Variants in ARMC1 observed in about 807,000 individuals in gnomAD.
ARMC1 encodes the protein armadillo repeat containing 1.
ARMC1 carries 16 observed loss-of-function variants against 31.4 expected under a neutral mutation model. The ratio of observed to expected loss-of-function variants is 0.51; its 90% CI spans 0.34 to 0.77. The LOEUF is 0.77. Among genes scored for constraint, ARMC1 ranks in the 30% least tolerant of loss-of-function variants. The probability of loss-of-function intolerance (pLI) is 0.01; values close to 1 mark genes in which losing one functional copy is unlikely to be tolerated. For missense variants in ARMC1, 259 were observed against 347.5 expected (o/e 0.75, Z 2.02); for synonymous variants, 114 against 118.9 (o/e 0.96, Z 0.27).
chr8:65,616,558 G>A (rs1402447050), intron 3 of ARMC1, among the ~76,000 whole-genome samples: 7 of 151,810 alleles, frequency 4.6e-5, no homozygotes, highest in East Asian at 1.9e-4. Context: ...CCGCCACCCC[G>A]TCTGGGAAGT....
At chr8:65,624,354 C>T (rs1488472055) in intron 2 of ARMC1, among the ~76,000 whole-genome samples, 1 of 151,618 alleles carries the variant, frequency 6.6e-6, no homozygotes, top group Non-Finnish European at 1.5e-5. Flanking sequence ...CAAAAATTAG[C>T]CAGGCATGCT....
chr8:65,612,138 T>C (rs138007132), intron 4 of ARMC1, among the ~76,000 whole-genome samples: 1 of 152,282 alleles, frequency 6.6e-6, no homozygotes, highest in Non-Finnish European at 1.5e-5. Flanking sequence ...TAATTTCTCT[T>C]TTATTTACTG....
At chr8:65,616,750 G>A (rs1457732751) in intron 3 of ARMC1, among the ~76,000 whole-genome samples, 5 of 129,998 alleles carry the variant, frequency 3.8e-5, no homozygotes, top group East Asian at 2.1e-4. Context: ...CCGCCGCCCC[G>A]TCTGGGATGT....
intron 4 of ARMC1, among the ~76,000 whole-genome samples, chr8:65,610,998 AT>A (rs1808127959): frequency 1.3e-5 from 2 of 150,666 alleles, no homozygotes; most frequent in Admixed American, 1.3e-4. Context: ...CAGTGGTGTG[AT>A]TTCCACTCAC....
At chr8:65,615,903 AAAG>A (rs1238437433) in intron 3 of ARMC1, among the ~76,000 whole-genome samples, 2 of 151,964 alleles carry the variant, frequency 1.3e-5, no homozygotes, top group Admixed American at 6.6e-5. Flanking sequence ...CACAAAAAAA[AAAG>A]AAGAAAGAAA....
intron 3 of ARMC1, among the ~76,000 whole-genome samples, chr8:65,613,991 A>G (rs201616493): frequency 6.6e-6 from 1 of 152,178 alleles, no homozygotes; most frequent in East Asian, 1.9e-4. Context: ...TTTAATAAAA[A>G]TAATCAAATA....
At chr8:65,616,029 G>T (rs954177965) in intron 3 of ARMC1, among the ~76,000 whole-genome samples, 2 of 152,112 alleles carry the variant, frequency 1.3e-5, no homozygotes, top group African/African-American at 4.8e-5. Context: ...TGAAAACCTG[G>T]ATTATTTCAA....
chr8:65,633,328 G>C (rs1347320146), intron 1 of ARMC1, among the ~76,000 whole-genome samples: 1 of 152,230 alleles, frequency 6.6e-6, no homozygotes. Context: ...TACTCGAAGA[G>C]TTAACTGTAA....
chr8:65,628,623 C>T (rs1378485191), intron 1 of ARMC1, among the ~76,000 whole-genome samples: 4 of 150,206 alleles, frequency 2.7e-5, no homozygotes, highest in Non-Finnish European at 4.4e-5. Flanking sequence ...TTTGGGAGGC[C>T]GAGGCAGGCA....
chr8:65,619,034 C>A (rs1409080155), intron 3 of ARMC1, among the ~76,000 whole-genome samples: 1 of 151,974 alleles, frequency 6.6e-6, no homozygotes, highest in African/African-American at 2.4e-5. Flanking sequence ...CAGAGCGAGA[C>A]TCCATCTCAC....
chr8:65,615,838 T>C (rs1585709318), intron 3 of ARMC1, among the ~76,000 whole-genome samples: 1 of 151,820 alleles, frequency 6.6e-6, no homozygotes. Flanking sequence ...GAGGTTGCAG[T>C]GGGCCGAGAT....
chr8:65,619,336 G>A (rs1468854774), intron 3 of ARMC1, among the ~76,000 whole-genome samples: 2 of 151,686 alleles, frequency 1.3e-5, no homozygotes, highest in Non-Finnish European at 2.9e-5. Context: ...CCACGAGTTC[G>A]AGACCAGCCT....
chr8:65,616,984 C>A lies in ARMC1; in HGVS notation c.276-3551G>T, dbSNP rs970600318. Reference sequence around the variant, plus strand: ...AGGAGCGTCTCCGCCCGGCAGCCGCCCCATCCAGGAGGGAGGCGGGGGGCA... The same window carrying A: ...AGGAGCGTCTCCGCCCGGCAGCCGCACCATCCAGGAGGGAGGCGGGGGGCA... On this transcript the variant is annotated intron_variant, in intron 3 of 6. Coordinates refer to ENST00000276569, the MANE Select transcript of ARMC1 (RefSeq NM_018120.6). Among the ~76,000 whole-genome samples, 22 of 151,744 alleles carry A rather than the reference C, an allele frequency of 1.4e-4. 1 individual carries two copies. The highest frequency in any genetic ancestry group is 1.2e-3 in the Admixed American group (18 of 15,248).
chr8:65,608,853 G>T (rs980488640), intron 4 of ARMC1, among the ~76,000 whole-genome samples: 1 of 152,066 alleles, frequency 6.6e-6, no homozygotes, highest in African/African-American at 2.4e-5. Context: ...ACGTTGCAGT[G>T]AGCCAAGATC....
At chr8:65,630,573 C>A (rs562454744) in intron 1 of ARMC1, among the ~76,000 whole-genome samples, 1 of 152,346 alleles carries the variant, frequency 6.6e-6, no homozygotes, top group South Asian at 2.1e-4. Context: ...AATCCCAACA[C>A]TTTGGGAGGC....
Position 65,627,432 on chromosome 8 carries a change from T to C in ARMC1, c.-34A>G. On this transcript the variant is annotated splice_region_variant and 5_prime_UTR_variant, in exon 2 of 7. Coordinates refer to ENST00000276569, the MANE Select transcript of ARMC1 (RefSeq NM_018120.6). ...CCATGCACATGAATAAAATCTTAAA[T>C]TCTGTAGAAAAGGTTTGCAGAATTA... 1.3e-6 allele frequency: 2 copies of C among 1,503,406 alleles called. No homozygotes were observed. The highest frequency in any genetic ancestry group is 1.8e-6 in the Non-Finnish European group (2 of 1,122,164). The allele number at this position is 1,503,406 out of a possible 1,614,324, so 93.1% of individuals were successfully genotyped here. A position where few individuals can be genotyped will look rare whatever the true frequency, so the allele number is the denominator to read the frequency against.
intron 2 of ARMC1, among the ~76,000 whole-genome samples, chr8:65,624,728 C>T (rs1374795432): frequency 5.9e-5 from 9 of 151,680 alleles, no homozygotes. Context: ...GTTAAAGATG[C>T]ATATTGTAAA....
At chr8:65,623,295 A>C (rs1450481845) in intron 2 of ARMC1, among the ~76,000 whole-genome samples, 1 of 71,276 alleles carries the variant, frequency 1.4e-5, no homozygotes. Context: ...GCGACAGAGC[A>C]AGACTCCGTC....
intron 4 of ARMC1, among the ~76,000 whole-genome samples, chr8:65,608,766 G>A (rs539296420): frequency 5.2e-4 from 79 of 151,964 alleles, no homozygotes; most frequent in Admixed American, 1.4e-3. Flanking sequence ...AAAATTGGCC[G>A]GGCATGGTGG....
Sources: allele counts gnomAD v4.1 joint callset (sites outside exome capture counted in the v4.1 genomes callset), GRCh38; gene constraint gnomAD v4.1.1; transcripts MANE v1.5; gene names NCBI Gene and HGNC (gene_info 2026-07-23, HGNC 2026-07-21).